The following RAD54L2 variants were observed in gnomAD, a reference collection of about 807,000 sequenced individuals.
RAD54L2 encodes RAD54 like 2.
Under a neutral mutation model 138.4 loss-of-function variants are expected in RAD54L2, and 27 were observed. The observed-to-expected ratio is 0.20, with a 90% CI of 0.14 to 0.27. The LOEUF (loss-of-function observed/expected upper bound fraction) is 0.27, where lower values mean the gene tolerates loss of function less well. Ranked by LOEUF, RAD54L2 falls within the 10% of genes least tolerant of loss-of-function variation. RAD54L2 has a pLI of 1.00. For synonymous variants in RAD54L2, 644 were observed against 723.2 expected (o/e 0.89, Z 1.76); for missense variants, 1,396 against 1,890.2 (o/e 0.74, Z 4.85).
At chr3:51,606,080 G>A (rs186950328) in intron 3 of RAD54L2, among the ~76,000 whole-genome samples, 3 of 152,324 alleles carry the variant, frequency 2.0e-5, no homozygotes, top group Non-Finnish European at 1.5e-5. Context: ...GGAGACCATC[G>A]AGCAGAAGCT....
chr3:51,623,963 AG>A (rs1405939080), intron 3 of RAD54L2, among the ~76,000 whole-genome samples: 2 of 139,996 alleles, frequency 1.4e-5, no homozygotes, highest in African/African-American at 5.4e-5. Flanking sequence ...TGGGTGACAC[AG>A]CGAGACTCCG....
chr3:51,653,518 C>T (rs551952317), intron 19 of RAD54L2, among the ~76,000 whole-genome samples: 1 of 152,270 alleles, frequency 6.6e-6, no homozygotes, highest in East Asian at 1.9e-4. Context: ...ATAGCAAAGA[C>T]TTGGAACCAA....
chr3:51,657,533 C>T (rs1478430775), intron 20 of RAD54L2, 47 bp from the exon 21 acceptor site: 1 of 1,313,636 alleles, frequency 7.6e-7, no homozygotes, highest in Admixed American at 2.0e-5. Flanking sequence ...CCCCCTCCTT[C>T]AGTCAGGCCC....
chr3:51,643,375 C>A (rs576194630), intron 15 of RAD54L2, among the ~76,000 whole-genome samples: 12 of 152,174 alleles, frequency 7.9e-5, no homozygotes, highest in Admixed American at 7.9e-4. Context: ...TCCCTCCTTT[C>A]ATTCATGTGT....
chr3:51,575,122 G>GT (rs1045403356), intron 2 of RAD54L2, among the ~76,000 whole-genome samples: 7 of 152,038 alleles, frequency 4.6e-5, no homozygotes, highest in African/African-American at 9.7e-5. Flanking sequence ...CCCATTTCTT[G>GT]TTTTTTGTCA....
rs768354274 is a variant in RAD54L2 at position 51,626,436 on chromosome 3, CTTT to C, written c.140-1093_140-1091del. Reference sequence around the variant, plus strand: ...TGACATCCCCTGGACCCCCAACGATCTTTTTTTTTTTTTTTTTTTTTTTTTTAA... The same window carrying C: ...TGACATCCCCTGGACCCCCAACGATCTTTTTTTTTTTTTTTTTTTTTTTAA... On this transcript the variant is annotated intron_variant, in intron 3 of 22. Transcript: ENST00000684192. Among the ~76,000 whole-genome samples, 125 of 39,382 alleles carry C rather than the reference CTTT, an allele frequency of 3.2e-3. 3 individuals are homozygous for C. The highest frequency in any genetic ancestry group is 0.01 in the African/African-American group (92 of 8,962). 25.8% of individuals were successfully genotyped at this position (39,382 alleles called of 152,430 possible). A position where few individuals can be genotyped will look rare whatever the true frequency, so the allele number is the denominator to read the frequency against.
chr3:51,586,728 C>G (rs1699718799), intron 2 of RAD54L2, among the ~76,000 whole-genome samples: 1 of 151,892 alleles, frequency 6.6e-6, no homozygotes. Context: ...GCTACTATGC[C>G]TGGCTAATTT....
At chr3:51,581,368 G>T (rs1699605540) in intron 2 of RAD54L2, among the ~76,000 whole-genome samples, 1 of 152,168 alleles carries the variant, frequency 6.6e-6, no homozygotes. Context: ...AAAGTGCAGG[G>T]ATTACAGGCG....
intron 3 of RAD54L2, among the ~76,000 whole-genome samples, chr3:51,623,939 A>G (rs1161245321): frequency 6.9e-6 from 1 of 144,540 alleles, no homozygotes; most frequent in Non-Finnish European, 1.5e-5. Flanking sequence ...ATTGCGCCAC[A>G]CTGCAGTCCA....
intron 15 of RAD54L2, 113 bp downstream of exon 15, chr3:51,641,980 G>A (rs1701148890): frequency 1.3e-6 from 1 of 768,794 alleles, no homozygotes; most frequent in Non-Finnish European, 2.1e-6. Context: ...GAATATTTGT[G>A]ATTAGTCAAG....
intron 2 of RAD54L2, among the ~76,000 whole-genome samples, chr3:51,565,897 C>G (rs1222870049): frequency 7.1e-6 from 1 of 141,482 alleles, no homozygotes; most frequent in African/African-American, 2.6e-5. Context: ...GGCGCGATCT[C>G]AGCTCACTGC....
At chr3:51,539,178 T>C (rs1477939239) in intron 1 of RAD54L2, among the ~76,000 whole-genome samples, 1 of 152,106 alleles carries the variant, frequency 6.6e-6, no homozygotes, top group Non-Finnish European at 1.5e-5. Context: ...AAGGGAGTCG[T>C]AGGGACACGG....
chr3:51,607,081 T>C (rs1042985112), intron 3 of RAD54L2, among the ~76,000 whole-genome samples: 34 of 149,170 alleles, frequency 2.3e-4, no homozygotes, highest in Non-Finnish European at 4.3e-4. Flanking sequence ...TTTTTTTATT[T>C]TTTTATTTTT....
At position 51,666,807 on chromosome 3, in the gene RAD54L2, G is replaced by A. The variant is rs1301366623; in HGVS notation, c.*3387G>A. 1 of 152,068 alleles carries A rather than the reference G, an allele frequency of 6.6e-6. No individual in the cohort carries two copies. The highest frequency in any genetic ancestry group is 1.5e-5 in the Non-Finnish European group (1 of 68,012). 9.4% of individuals were successfully genotyped at this position (152,068 alleles called of 1,614,324 possible). A position where few individuals can be genotyped will look rare whatever the true frequency, so the allele number is the denominator to read the frequency against. On this transcript the variant is annotated 3_prime_UTR_variant, in exon 23 of 23. Coordinates refer to ENST00000684192, the MANE Select transcript of RAD54L2 (RefSeq NM_015106.4). ...CTGGTCCTTGGAGCTCTCTTCCCTAGGAATTAGTGTGTGGAGTCTCTATAT... is the reference window on the plus strand; with the variant it reads ...CTGGTCCTTGGAGCTCTCTTCCCTAAGAATTAGTGTGTGGAGTCTCTATAT...
At chr3:51,618,134 ATTTTTTTT>A (rs58259844) in intron 3 of RAD54L2, among the ~76,000 whole-genome samples, 3 of 112,136 alleles carry the variant, frequency 2.7e-5, no homozygotes, top group African/African-American at 9.8e-5. Context: ...AATATTTTGT[ATTTTTTTT>A]TTTTTTTTTT....
chr3:51,652,880 A>G (rs1701480215), intron 19 of RAD54L2, among the ~76,000 whole-genome samples: 1 of 152,254 alleles, frequency 6.6e-6, no homozygotes, highest in Admixed American at 6.5e-5. Flanking sequence ...CAAGGACTTC[A>G]TGACTAAAAC....
chr3:51,627,499 A>G (rs1382147436), intron 3 of RAD54L2, 54 bp from the exon 4 acceptor site: 7 of 1,507,626 alleles, frequency 4.6e-6, no homozygotes, highest in African/African-American at 4.2e-5. Context: ...TCTGTCATCC[A>G]GACTCATTCC....
At chr3:51,581,092 C>T (rs1273724712) in intron 2 of RAD54L2, among the ~76,000 whole-genome samples, 1 of 152,070 alleles carries the variant, frequency 6.6e-6, no homozygotes, top group African/African-American at 2.4e-5. Context: ...AGTGTCAGCT[C>T]AGAAAATCAG....
chr3:51,661,917 T>C (rs1219447730), intron 22 of RAD54L2, among the ~76,000 whole-genome samples: 1 of 152,228 alleles, frequency 6.6e-6, no homozygotes, highest in Non-Finnish European at 1.5e-5. Context: ...CTAGCCACAA[T>C]ATCATTATTA....
Sources: gnomAD v4.1 joint callset for allele counts (sites outside exome capture counted in the v4.1 genomes callset) on GRCh38, gnomAD v4.1.1 for gene constraint, MANE v1.5 for transcripts, NCBI Gene and HGNC (gene_info 2026-07-23, HGNC 2026-07-21) for gene names.